The following PRKACB variants were observed in gnomAD, a reference collection of about 807,000 sequenced individuals.
PRKACB encodes cAMP-dependent protein kinase catalytic subunit beta.
In PRKACB, 16 loss-of-function variants were observed where a neutral mutation model predicts 51.4. The observed-to-expected ratio is 0.31, with a 90% CI of 0.21 to 0.47. PRKACB has a LOEUF of 0.47. Among genes scored for constraint, PRKACB ranks in the 20% least tolerant of loss-of-function variants. The pLI, the probability that PRKACB is intolerant of heterozygous loss-of-function variation, is 1.00. For missense variants in PRKACB, 309 were observed against 464.5 expected, an observed-to-expected ratio of 0.67 and a Z score of 3.08; for synonymous variants, 147 against 154.4, an observed-to-expected ratio of 0.95 and a Z score of 0.35.
At chr1:84,161,432 G>C (rs745488283) in intron 1 of PRKACB, among the ~76,000 whole-genome samples, 29 of 151,770 alleles carry the variant, frequency 1.9e-4, no homozygotes, top group Middle Eastern at 6.8e-3. Flanking sequence ...TCTGCCTTTT[G>C]ATTTGTGTTT....
rs1179906850 is a variant in PRKACB, at chr1:84,087,096, ATTC to A, written c.46+8728_46+8730del. Among the ~76,000 whole-genome samples the A allele has an allele frequency of 4.9e-4, 74 of 152,384 alleles. 1 individual carries two copies. The highest frequency in any genetic ancestry group is 1.7e-3 in the African/African-American group (71 of 41,594). On this transcript the variant is annotated intron_variant, in intron 1 of 8. Transcript: ENST00000370688. ...TTGGAAATAAAACATGAAACATTCT[ATTC>A]TTATGTGAAACCATTAATGTGCTAT...
intron 1 of PRKACB, chr1:84,164,307 A>G (rs901642851): frequency 1.8e-5 from 28 of 1,526,548 alleles, no homozygotes; most frequent in African/African-American, 2.8e-5. Flanking sequence ...GCAACAGCAC[A>G]CAGCATTTTA....
intron 1 of PRKACB, among the ~76,000 whole-genome samples, chr1:84,117,699 A>G (rs1650743300): frequency 6.6e-6 from 1 of 152,108 alleles, no homozygotes; most frequent in Non-Finnish European, 1.5e-5. Context: ...CTTGGTTAGT[A>G]TAGCTAGCAG....
At chr1:84,107,551 A>C (rs1056313202) in intron 1 of PRKACB, among the ~76,000 whole-genome samples, 2 of 152,082 alleles carry the variant, frequency 1.3e-5, no homozygotes, top group African/African-American at 4.8e-5. Context: ...AACAACCTAC[A>C]AAAATATTTT....
At chr1:84,078,388 G>T in intron 1 of PRKACB, 1 of 1,610,260 alleles carries the variant, frequency 6.2e-7, no homozygotes, top group Non-Finnish European at 8.5e-7. Context: ...TGAAGGCCGG[G>T]TCTGGGTATC....
intron 1 of PRKACB, among the ~76,000 whole-genome samples, chr1:84,117,788 T>A (rs1322821885): frequency 6.6e-6 from 1 of 152,232 alleles, no homozygotes; most frequent in South Asian, 2.1e-4. Context: ...TCTATTTCAT[T>A]TAATTCTGCT....
intron 1 of PRKACB, among the ~76,000 whole-genome samples, chr1:84,101,071 A>G (rs553689803): frequency 6.6e-6 from 1 of 152,356 alleles, no homozygotes; most frequent in Admixed American, 6.5e-5. Flanking sequence ...AGTCAGAGTT[A>G]CACCAGAGAA....
At chr1:84,212,952 A>C in intron 8 of PRKACB, among the ~76,000 whole-genome samples, 1 of 152,172 alleles carries the variant, frequency 6.6e-6, no homozygotes, top group East Asian at 1.9e-4. Context: ...TGAATAAATA[A>C]ATGTATTATA....
intron 1 of PRKACB, among the ~76,000 whole-genome samples, chr1:84,163,398 C>G (rs1477691863): frequency 6.6e-6 from 1 of 152,066 alleles, no homozygotes; most frequent in Non-Finnish European, 1.5e-5. Context: ...TTAGCCCTAC[C>G]AAGGCCATAG....
intron 7 of PRKACB, among the ~76,000 whole-genome samples, chr1:84,198,989 AT>A (rs561907048): frequency 6.6e-4 from 98 of 148,168 alleles, no homozygotes; most frequent in African/African-American, 2.2e-3. Context: ...ATATGTATAT[AT>A]GTATATGTGT....
chr1:84,166,043 T>C (rs1291606526), intron 1 of PRKACB, among the ~76,000 whole-genome samples: 1 of 151,700 alleles, frequency 6.6e-6, no homozygotes, highest in Non-Finnish European at 1.5e-5. Flanking sequence ...TTATAACCAA[T>C]AAATATTCTT....
chr1:84,173,897 T>A (rs748880071), intron 1 of PRKACB, among the ~76,000 whole-genome samples: 2 of 151,786 alleles, frequency 1.3e-5, no homozygotes, highest in African/African-American at 2.4e-5. Flanking sequence ...TAATAGAAAA[T>A]TTTTAATAGC....
At chr1:84,144,076 G>C (rs1352858494), upstream of PRKACB, among the ~76,000 whole-genome samples, 1 of 152,006 alleles carries the variant, frequency 6.6e-6, no homozygotes, top group Non-Finnish European at 1.5e-5. Flanking sequence ...TATATTTAAT[G>C]CTCTCATTAG....
chr1:84,196,446 T>C (rs1668269491), intron 5 of PRKACB, among the ~76,000 whole-genome samples, 170 bp from the exon 6 acceptor site: 1 of 152,230 alleles, frequency 6.6e-6, no homozygotes, highest in African/African-American at 2.4e-5. Flanking sequence ...GAACAAAATA[T>C]AGAGATTTAA....
At chr1:84,164,282 C>T (rs1656703498) in intron 1 of PRKACB, 2 of 1,489,838 alleles carry the variant, frequency 1.3e-6, no homozygotes, top group East Asian at 2.5e-5. Flanking sequence ...TAAGATTCAT[C>T]GCCAATAGTC....
At chr1:84,184,990 G>T (rs1664672935) in intron 4 of PRKACB, 110 bp from the exon 5 acceptor site, 4 of 526,048 alleles carry the variant, frequency 7.6e-6, no homozygotes, top group Non-Finnish European at 1.2e-5. Flanking sequence ...ATTTCTCAAG[G>T]TTATTAATCT....
Position 84,131,094 on chromosome 1 carries a change from C to T in PRKACB, c.47-48083C>T, listed in dbSNP as rs150847887. ...AATTCTAGCTGGGTGCGGTGGCTCACGCCTGTAAACCCAGCATTTTGGGAG... is the reference window on the plus strand; with the variant it reads ...AATTCTAGCTGGGTGCGGTGGCTCATGCCTGTAAACCCAGCATTTTGGGAG... On this transcript the variant is annotated intron_variant, in intron 1 of 8. Coordinates refer to the PRKACB transcript ENST00000370688. Among the ~76,000 whole-genome samples the T allele has an allele frequency of 5.6e-3, 852 of 152,248 alleles. 4 individuals carry two copies. Among genetic ancestry groups the T allele is most frequent in the Middle Eastern group, 0.01 (3 of 294 alleles).
rs1652591571 is a variant in PRKACB, at chr1:84,134,476, T to C, written c.47-44701T>C. 2.6e-5 allele frequency among the ~76,000 whole-genome samples: 4 copies of C among 152,152 alleles called. No homozygotes were observed. The South Asian group carries it at 8.3e-4, about 32-fold the overall frequency. On this transcript the variant is annotated intron_variant, in intron 1 of 8. Transcript: ENST00000370688. ...GAGAAAGTATTTGGGAATACTCTATTACAAAGTACCTGTACTGCAAAGAAA... is the reference window on the plus strand; with the variant it reads ...GAGAAAGTATTTGGGAATACTCTATCACAAAGTACCTGTACTGCAAAGAAA...
Position 84,237,832 on chromosome 1 carries a change from A to T in PRKACB, c.*2527A>T, listed in dbSNP as rs529522319. 6.6e-6 allele frequency: 1 copy of T among 152,266 alleles called. No homozygotes were observed. The highest frequency in any genetic ancestry group is 2.1e-4 in the South Asian group (1 of 4,826). The allele number at this position is 152,266 out of a possible 1,614,324, so 9.4% of individuals were successfully genotyped here. A position where few individuals can be genotyped will look rare whatever the true frequency, so the allele number is the denominator to read the frequency against. ...CCTAGACTGAAAGTCAAGACATCTG[A>T]ATTTCAGGCTGGAAAACTATCAGTA... On this transcript the variant is annotated 3_prime_UTR_variant, in exon 10 of 10. Coordinates refer to ENST00000370685, the MANE Select transcript of PRKACB (RefSeq NM_182948.4).
Sources: allele counts gnomAD v4.1 joint callset (sites outside exome capture counted in the v4.1 genomes callset), GRCh38; gene constraint gnomAD v4.1.1; transcripts MANE v1.5; gene names NCBI Gene and HGNC (gene_info 2026-07-23, HGNC 2026-07-21).